PLA2G10: variants seen among roughly 807,000 people sequenced by gnomAD.
PLA2G10 encodes group 10 secretory phospholipase A2.
PLA2G10 carries 9 observed loss-of-function variants against 7.9 expected under a neutral mutation model. The observed-to-expected ratio is 1.14, with a 90% confidence interval of 0.68 to 1.98. The LOEUF is 1.98. Among genes scored for constraint, PLA2G10 ranks in the 30% most tolerant of loss-of-function variants. PLA2G10 has a pLI of 0.00. For missense variants in PLA2G10, 53 were observed against 65.4 expected, an observed-to-expected ratio of 0.81 and a Z score of 0.66; for synonymous variants, 19 against 27.5, an observed-to-expected ratio of 0.69 and a Z score of 0.97.
At chr16:14,676,462 C>T (rs765857547) in intron 3 of PLA2G10, among the ~76,000 whole-genome samples, 7 of 152,202 alleles carry the variant, frequency 4.6e-5, no homozygotes, top group South Asian at 2.1e-4. Flanking sequence ...GGGCGGATCA[C>T]GAGGTCAGGA....
At chr16:14,687,108 C>CA (rs559999804) in intron 3 of PLA2G10, among the ~76,000 whole-genome samples, 39 of 139,496 alleles carry the variant, frequency 2.8e-4, no homozygotes, top group East Asian at 4.2e-4. Flanking sequence ...AACTCTGTCT[C>CA]AAAAAAAAAC....
chr16:14,688,492 G>A (rs1201864881), intron 2 of PLA2G10, among the ~76,000 whole-genome samples: 1 of 44,332 alleles, frequency 2.3e-5, no homozygotes, highest in African/African-American at 8.4e-5. Context: ...GGGCTCAAGC[G>A]ATCCTCCCAC....
intron 3 of PLA2G10, among the ~76,000 whole-genome samples, chr16:14,673,782 C>G (rs1960653996): frequency 6.6e-6 from 1 of 152,244 alleles, no homozygotes; most frequent in Non-Finnish European, 1.5e-5. Context: ...CCACATCATA[C>G]TGAATGGGGA....
Position 14,687,835 on chromosome 16 carries a change from GA to G in PLA2G10, c.355+329del, listed in dbSNP as rs538785885. Among the ~76,000 whole-genome samples the G allele has an allele frequency of 3.8e-3, 578 of 150,418 alleles. 4 individuals carry two copies. Among genetic ancestry groups the G allele is most frequent in the Non-Finnish European group, 5.0e-3 (341 of 67,746 alleles). The stretch of plus-strand genomic sequence containing the variant: ...AACTTGGTGAAACCCCACCTCTACT[GA>G]AAAAATACAAAAATTAGCTGGGCGT... On this transcript the variant is annotated intron_variant, in intron 3 of 3. Coordinates refer to ENST00000438167, the MANE Select transcript of PLA2G10 (RefSeq NM_003561.3).
chr16:14,681,806 A>G (rs1229393309), intron 3 of PLA2G10, among the ~76,000 whole-genome samples: 1 of 151,652 alleles, frequency 6.6e-6, no homozygotes, highest in Non-Finnish European at 1.5e-5. Context: ...GACTCTACCA[A>G]CAGACACACC....
intron 3 of PLA2G10, among the ~76,000 whole-genome samples, chr16:14,675,413 G>A (rs757488054): frequency 6.6e-6 from 1 of 151,902 alleles, no homozygotes; most frequent in Non-Finnish European, 1.5e-5. Context: ...ATTGACCTAG[G>A]CAAGGAATTT....
intron 3 of PLA2G10, among the ~76,000 whole-genome samples, chr16:14,685,998 T>TC (rs1961048038): frequency 6.8e-6 from 1 of 147,088 alleles, no homozygotes; most frequent in Middle Eastern, 3.2e-3. Flanking sequence ...TCTTTTTTTT[T>TC]TTTTTTTTTT....
At position 14,674,554 on chromosome 16, in the gene PLA2G10, A is replaced by T. The variant is rs1444945836; in HGVS notation, c.356-1805T>A. Among the ~76,000 whole-genome samples, 4 of 152,200 alleles carry T rather than the reference A, an allele frequency of 2.6e-5. No individual in the cohort carries two copies. In the East Asian group the frequency reaches 7.8e-4, roughly 30 times the overall value. On this transcript the variant is annotated intron_variant, in intron 3 of 3. Transcript: ENST00000438167. Reference sequence around the variant, plus strand: ...CATTTCTACTAAAAATACAAAAATTAGCCAGGCATGATGGTGTGTGCCTAT... The same window carrying T: ...CATTTCTACTAAAAATACAAAAATTTGCCAGGCATGATGGTGTGTGCCTAT...
chr16:14,679,101 G>A lies in PLA2G10; in HGVS notation c.356-6352C>T, dbSNP rs146354273. On this transcript the variant is annotated intron_variant, in intron 3 of 3. Transcript: ENST00000438167. ...CTCACCCCAACCACTCTCAGTAACA[G>A]AGAAATCCTCACCATGCACTCCTGC... 5.4e-4 allele frequency among the ~76,000 whole-genome samples: 82 copies of A among 152,260 alleles called. 1 individual carries two copies. Among genetic ancestry groups the A allele is most frequent in the Non-Finnish European group, 1.1e-3 (75 of 68,026 alleles).
At chr16:14,680,380 G>A (rs1425512457) in intron 3 of PLA2G10, among the ~76,000 whole-genome samples, 2 of 151,812 alleles carry the variant, frequency 1.3e-5, no homozygotes, top group Non-Finnish European at 2.9e-5. Context: ...GATTACAGGC[G>A]TGAGACACTG....
chr16:14,679,935 C>T (rs1960841938), intron 3 of PLA2G10, among the ~76,000 whole-genome samples: 1 of 152,054 alleles, frequency 6.6e-6, no homozygotes, highest in Non-Finnish European at 1.5e-5. Context: ...CTTTCTATTT[C>T]TGTGGATTTG....
At chr16:14,701,789 G>A in the PLA2G10 span, 1 of 23,434 alleles carries the variant, frequency 4.3e-5, no homozygotes, top group East Asian at 1.3e-3. Context: ...AGGCTGAGAC[G>A]GGAGGATTTC....
intron 3 of PLA2G10, among the ~76,000 whole-genome samples, chr16:14,682,146 C>G (rs757728828): frequency 5.3e-5 from 8 of 151,960 alleles, no homozygotes; most frequent in Non-Finnish European, 8.8e-5. Context: ...TTCCCCAACT[C>G]TAAATGAGAG....
intron 3 of PLA2G10, among the ~76,000 whole-genome samples, chr16:14,682,450 C>CTCTA (rs747908074): frequency 2.6e-5 from 4 of 151,984 alleles, no homozygotes; most frequent in Admixed American, 6.6e-5. Flanking sequence ...TGGTGTGCAC[C>CTCTA]TCTAGTCCCA....
intron 3 of PLA2G10, among the ~76,000 whole-genome samples, chr16:14,685,438 A>G (rs1961027219): frequency 6.6e-6 from 1 of 152,008 alleles, no homozygotes; most frequent in Admixed American, 6.6e-5. Context: ...AGAAGCCAGG[A>G]ACATAGTGTA....
chr16:14,683,059 A>T (rs1960936626), intron 3 of PLA2G10, among the ~76,000 whole-genome samples: 1 of 151,886 alleles, frequency 6.6e-6, no homozygotes, highest in African/African-American at 2.4e-5. Context: ...ACAGAGCAAG[A>T]CTCCATCTCA....
chr16:14,681,020 G>C (rs1426672057), intron 3 of PLA2G10, among the ~76,000 whole-genome samples: 1 of 151,898 alleles, frequency 6.6e-6, no homozygotes, highest in Non-Finnish European at 1.5e-5. Context: ...AAAAAAATTA[G>C]CTGGGTATGG....
At chr16:14,679,115 A>G (rs919431461) in intron 3 of PLA2G10, among the ~76,000 whole-genome samples, 1 of 152,134 alleles carries the variant, frequency 6.6e-6, no homozygotes, top group Admixed American at 6.6e-5. Context: ...AATCCTCACC[A>G]TGCACTCCTG....
intron 3 of PLA2G10, among the ~76,000 whole-genome samples, chr16:14,687,811 A>T (rs1961135548): frequency 6.6e-6 from 1 of 151,574 alleles, no homozygotes; most frequent in Non-Finnish European, 1.5e-5. Context: ...AGCCTGGCCA[A>T]CTTGGTGAAA....
Sources: gnomAD v4.1 joint callset for allele counts (sites outside exome capture counted in the v4.1 genomes callset) on GRCh38, gnomAD v4.1.1 for gene constraint, MANE v1.5 for transcripts, NCBI Gene and HGNC (gene_info 2026-07-23, HGNC 2026-07-21) for gene names.